The following DOP1B variants were observed in gnomAD, a reference collection of about 807,000 sequenced individuals.
DOP1B encodes DOP1 leucine zipper like protein B.
A neutral mutation model predicts 233.5 loss-of-function variants in DOP1B; 174 were observed. The ratio of observed to expected loss-of-function variants is 0.75; its 90% CI spans 0.66 to 0.85. The LOEUF is 0.85. DOP1B is among the 40% of genes least tolerant of loss of function. The pLI is 0.00. For missense variants in DOP1B, 2,652 were observed against 2,846.6 expected (o/e 0.93, Z 1.56); for synonymous variants, 1,190 against 1,185.6 (o/e 1.00, Z -0.08).
chr21:36,166,233 G>A (rs1244977157), intron 2 of DOP1B, among the ~76,000 whole-genome samples: 1 of 151,366 alleles, frequency 6.6e-6, no homozygotes, highest in Non-Finnish European at 1.5e-5. Context: ...TCAGGAGATC[G>A]AGACCATCCT....
chr21:36,213,928 G>T lies in DOP1B; in HGVS notation c.905-153G>T, dbSNP rs116812183. Among the ~76,000 whole-genome samples the T allele has an allele frequency of 3.2e-3, 490 of 152,208 alleles. 3 individuals are homozygous for T. The highest frequency in any genetic ancestry group is 0.011 in the African/African-American group (468 of 41,556). On this transcript the variant is annotated intron_variant, in intron 7 of 36. Coordinates refer to ENST00000691173, the MANE Select transcript of DOP1B (RefSeq NM_001320714.2). Reference sequence around the variant, plus strand: ...ATCATTAGCCACACCACTGTCAGAAGAAGAAAATCTGACGTGGTCTTTCTG... The same window carrying T: ...ATCATTAGCCACACCACTGTCAGAATAAGAAAATCTGACGTGGTCTTTCTG...
At chr21:36,163,361 AAAG>A (rs2065884546) in intron 1 of DOP1B, among the ~76,000 whole-genome samples, 1 of 141,030 alleles carries the variant, frequency 7.1e-6, no homozygotes, top group Non-Finnish European at 1.6e-5. Context: ...AAAAAAAAAG[AAAG>A]AAAGAAAGTA....
chr21:36,257,831 A>G (rs1039955372), intron 23 of DOP1B, among the ~76,000 whole-genome samples: 2 of 150,038 alleles, frequency 1.3e-5, no homozygotes, highest in Admixed American at 6.7e-5. Context: ...GTAGGTAGGT[A>G]GGTAGATGTA....
chr21:36,196,982 G>A (rs951153494), intron 2 of DOP1B, among the ~76,000 whole-genome samples: 3 of 149,488 alleles, frequency 2.0e-5, no homozygotes, highest in Admixed American at 6.7e-5. Context: ...TCACCCTGTC[G>A]CCCAGGCTAG....
Position 36,230,561 on chromosome 21 carries a change from C to T in DOP1B, c.1777C>T (p.Leu593Phe). The T allele has an allele frequency of 6.2e-7, 1 of 1,614,214 alleles. No individual in the cohort carries two copies. The highest frequency in any genetic ancestry group is 1.3e-5 in the African/African-American group (1 of 75,052). Residue 593 changes from leucine (L) to phenylalanine (F), a missense_variant, in exon 14 of 37, where the codon CTC becomes TTC. By Grantham distance (22) the Leu-to-Phe change is conservative. Coordinates refer to ENST00000691173, the MANE Select transcript of DOP1B (RefSeq NM_001320714.2). ...PLKSEDSGIG[L>F]SASSPELSEH... is the part of the protein sequence containing the mutation. Reference sequence around the variant, plus strand: ...GAAGTCTGAGGACAGTGGGATCGGGCTCAGTGCCTCGTCACCGGAGCTCTC... The same window carrying T: ...GAAGTCTGAGGACAGTGGGATCGGGTTCAGTGCCTCGTCACCGGAGCTCTC...
intron 35 of DOP1B, among the ~76,000 whole-genome samples, chr21:36,290,534 C>T (rs905699999): frequency 2.6e-5 from 4 of 152,158 alleles, no homozygotes; most frequent in African/African-American, 9.7e-5. Flanking sequence ...CGCGATGGCT[C>T]ACACCTGTAA....
Position 36,246,892 on chromosome 21 carries a change from T to C in DOP1B, c.4697+215T>C, listed in dbSNP as rs1333881862. The stretch of plus-strand genomic sequence containing the variant: ...TGTTATGTTATGTTATGTTATGTTA[T>C]GTTATTTTTGAGACAGAGTCTCTGT... On this transcript the variant is annotated intron_variant, in intron 19 of 36. Coordinates refer to ENST00000691173, the MANE Select transcript of DOP1B (RefSeq NM_001320714.2). This position sits in a 1 kb window ranked among gnomAD's most constrained non-coding sequence, Gnocchi z 5.1. Among the ~76,000 whole-genome samples, 1 of 119,476 alleles carries C rather than the reference T, an allele frequency of 8.4e-6. No homozygotes were observed. Among genetic ancestry groups the C allele is most frequent in the Non-Finnish European group, 1.9e-5 (1 of 53,996 alleles). 78.4% of individuals were successfully genotyped at this position (119,476 alleles called of 152,430 possible).
chr21:36,280,188 T>G (rs2067400585), intron 30 of DOP1B, 97 bp from the exon 31 acceptor site: 1 of 935,254 alleles, frequency 1.1e-6, no homozygotes. Context: ...AAAGCAGTTT[T>G]TAATATATCT....
rs1342206493 is a variant in DOP1B, at chr21:36,278,222, C to G, written c.5836C>G (p.Pro1946Ala). Residue 1946 changes from proline (P) to alanine (A), a missense_variant, in exon 30 of 37, where the codon CCC (proline) becomes GCC (alanine). Physicochemically the swap from Pro to Ala is conservative, Grantham distance 27. Coordinates refer to ENST00000691173, the MANE Select transcript of DOP1B (RefSeq NM_001320714.2). ...YLRNHSAYNA[P>A]SFRAGAQLLS... ...ACTCCCACTCAGTGCCTACAATGCT[C>G]CCAGCTTCCGGGCTGGCGCTCAGCT... is the stretch of plus-strand genomic sequence containing the variant. The G allele has an allele frequency of 6.2e-7, 1 of 1,614,044 alleles. No individual in the cohort carries two copies. The highest frequency in any genetic ancestry group is 1.7e-5 in the Admixed American group (1 of 59,976).
intron 26 of DOP1B, 120 bp downstream of exon 26, chr21:36,263,934 A>T (rs1482833656): frequency 9.6e-7 from 1 of 1,037,160 alleles, no homozygotes; most frequent in Non-Finnish European, 1.5e-6. Context: ...TTAGCTTTGC[A>T]CTTGTTCTCA....
intron 2 of DOP1B, among the ~76,000 whole-genome samples, chr21:36,186,579 C>T (rs1433543679): frequency 6.6e-6 from 1 of 152,100 alleles, no homozygotes; most frequent in East Asian, 1.9e-4. Flanking sequence ...TTATCCTGCA[C>T]GACCAGCTTA....
chr21:36,171,646 C>A (rs1039420472), intron 2 of DOP1B, among the ~76,000 whole-genome samples: 4 of 152,188 alleles, frequency 2.6e-5, no homozygotes, highest in African/African-American at 9.7e-5. Flanking sequence ...AAACTCCTAG[C>A]AGCGGGGGGA....
chr21:36,224,619 A>C (rs573526566), intron 11 of DOP1B, among the ~76,000 whole-genome samples: 4 of 151,746 alleles, frequency 2.6e-5, no homozygotes, highest in African/African-American at 9.7e-5. Flanking sequence ...TCAGTGTAAC[A>C]TGGCTTTGCT....
chr21:36,261,336 G>T, intron 24 of DOP1B: 1 of 974,136 alleles, frequency 1.0e-6, no homozygotes, highest in Non-Finnish European at 1.2e-6. Flanking sequence ...CTGCTCTCCA[G>T]CCTGGGTGAC....
At chr21:36,221,434 G>C (rs912405357) in intron 10 of DOP1B, among the ~76,000 whole-genome samples, 1 of 151,920 alleles carries the variant, frequency 6.6e-6, no homozygotes, top group Non-Finnish European at 1.5e-5. Flanking sequence ...GGTGGAGGCT[G>C]CAGTGAGCCA....
In DOP1B at chr21:36,249,694, G is replaced by T. The variant is rs951488043; in HGVS notation, c.4998+1126G>T. Among the ~76,000 whole-genome samples, 9 of 152,142 alleles carry T rather than the reference G, an allele frequency of 5.9e-5. No individual in the cohort carries two copies. In the East Asian group the frequency reaches 7.7e-4, roughly 13 times the overall value. On this transcript the variant is annotated intron_variant, in intron 21 of 36. Coordinates refer to ENST00000691173, the MANE Select transcript of DOP1B (RefSeq NM_001320714.2). Reference sequence around the variant, plus strand: ...GTGTCTGCCTCAGAAGGCTGTAGGCGCAGGACTCGGTCGCTCACCATCTGT... The same window carrying T: ...GTGTCTGCCTCAGAAGGCTGTAGGCTCAGGACTCGGTCGCTCACCATCTGT...
intron 1 of DOP1B, among the ~76,000 whole-genome samples, chr21:36,158,824 G>GAA (rs369323953): frequency 3.6e-5 from 5 of 137,680 alleles, no homozygotes; most frequent in African/African-American, 1.3e-4. Flanking sequence ...AAAAAGAAAA[G>GAA]AAAAAAGAAA....
At position 36,245,797 on chromosome 21, in the gene DOP1B, G is replaced by T; in HGVS notation, c.3817G>T (p.Ala1273Ser). 6.2e-7 allele frequency: 1 copy of T among 1,613,826 alleles called. No homozygotes were observed. The highest frequency in any genetic ancestry group is 8.5e-7 in the Non-Finnish European group (1 of 1,179,992). Residue 1273 changes from alanine to serine, a missense_variant, in exon 19 of 37, where the codon GCG becomes TCG. By Grantham distance (99) the Ala-to-Ser change is moderately conservative. This residue lies in a region of DOP1B where 2,617 missense variants were observed against 2,794.3 expected (regional missense o/e 0.94). Transcript: ENST00000691173. The surrounding 1 kb of genome is among the most constrained non-coding windows in gnomAD (Gnocchi z 5.5). ...GACTAGCATGGATACCAGCTCCACC[G>T]CGCACCTCAACCTCATCTCCAACCT... ...SRTSMDTSST[A>S]HLNLISNLLA...
intron 2 of DOP1B, 60 bp from the exon 3 acceptor site, chr21:36,199,010 C>T: frequency 5.8e-6 from 9 of 1,549,020 alleles, no homozygotes; most frequent in Non-Finnish European, 7.9e-6. Context: ...AGCAGATCCA[C>T]TCTCCATTGT....
Sources: gnomAD v4.1 joint callset for allele counts (sites outside exome capture counted in the v4.1 genomes callset) on GRCh38, gnomAD v4.1.1 for gene constraint, gnomAD v4.1.1 regional missense constraint, Gnocchi (gnomAD v3.1) non-coding constraint, MANE v1.5 for transcripts, NCBI Gene and HGNC (gene_info 2026-07-23, HGNC 2026-07-21) for gene names.